The following IL10RB variants were observed in gnomAD, a reference collection of about 807,000 sequenced individuals.
IL10RB encodes the protein interleukin-10 receptor subunit beta.
In IL10RB, 30 loss-of-function variants were observed where a neutral mutation model predicts 38.7. That is an observed-to-expected ratio of 0.78 (90% CI 0.58 to 1.05). IL10RB has a LOEUF of 1.05. Ranked by LOEUF, IL10RB falls within the 50% of genes least tolerant of loss-of-function variation. The pLI is 0.00. For synonymous variants in IL10RB, 142 were observed against 145.9 expected, an observed-to-expected ratio of 0.97 and a Z score of 0.19; for missense variants, 328 against 397.1, an observed-to-expected ratio of 0.83 and a Z score of 1.48.
chr21:33,288,367 ACACACG>A, intron 6 of IL10RB, 106 bp downstream of exon 6: 1 of 786,892 alleles, frequency 1.3e-6, no homozygotes. Flanking sequence ...CCAGGAAAAC[ACACACG>A]CGCGCGCGCA....
At chr21:33,266,831 C>A (rs1251936013) in intron 1 of IL10RB, among the ~76,000 whole-genome samples, 1 of 152,122 alleles carries the variant, frequency 6.6e-6, no homozygotes, top group Non-Finnish European at 1.5e-5. Flanking sequence ...AAAGTAGCTT[C>A]CCCAAAAGAC....
intron 6 of IL10RB, 89 bp from the exon 7 acceptor site, chr21:33,296,095 C>A: frequency 1.1e-6 from 1 of 885,268 alleles, no homozygotes; most frequent in Non-Finnish European, 1.8e-6. Flanking sequence ...AATAGATTTT[C>A]CAGCCAGGAG....
At chr21:33,288,472 A>G (rs1989423093) in intron 6 of IL10RB, among the ~76,000 whole-genome samples, 1 of 151,966 alleles carries the variant, frequency 6.6e-6, no homozygotes, top group Admixed American at 6.6e-5. Context: ...GCCCCGAGGA[A>G]AGGGGCGCGG....
intron 4 of IL10RB, among the ~76,000 whole-genome samples, chr21:33,282,004 A>G (rs1251042730): frequency 6.6e-6 from 1 of 152,178 alleles, no homozygotes; most frequent in Non-Finnish European, 1.5e-5. Context: ...TAATCTTTGA[A>G]AAAATTTGCA....
intron 4 of IL10RB, among the ~76,000 whole-genome samples, chr21:33,280,246 T>C (rs1322852295): frequency 6.6e-6 from 1 of 152,176 alleles, no homozygotes; most frequent in Non-Finnish European, 1.5e-5. Flanking sequence ...TCCCATGACA[T>C]CAACCCCTGT....
downstream of IL10RB, among the ~76,000 whole-genome samples, chr21:33,301,767 C>T (rs1321242552): frequency 2.0e-5 from 3 of 152,226 alleles, no homozygotes; most frequent in African/African-American, 7.2e-5. Context: ...TTATCTGCCT[C>T]ATTTTTCAGA....
In IL10RB at chr21:33,267,925, C is replaced by G. The variant is rs9979085; in HGVS notation, c.50-469C>G. On this transcript the variant is annotated intron_variant, in intron 1 of 6. Coordinates refer to ENST00000290200, the MANE Select transcript of IL10RB (RefSeq NM_000628.5). ...TCATCTGGCTGTCTCCCTGACATTC[C>G]TACTTCAGCCTCTCTCCAGCATCTC... The G allele has an allele frequency of 9.7e-3, 2,445 of 252,100 alleles. 62 individuals are homozygous for G. Among genetic ancestry groups the G allele is most frequent in the African/African-American group, 0.051 (2,291 of 44,702 alleles). 15.6% of individuals were successfully genotyped at this position (252,100 alleles called of 1,614,324 possible).
chr21:33,276,275 T>C (rs369006555), intron 2 of IL10RB, among the ~76,000 whole-genome samples: 6 of 152,240 alleles, frequency 3.9e-5, no homozygotes, highest in African/African-American at 1.4e-4. Context: ...CATGACTTTA[T>C]TGAAAATCAT....
At chr21:33,283,385 T>C (rs912206176) in intron 5 of IL10RB, 144 bp downstream of exon 5, 44 of 865,516 alleles carry the variant, frequency 5.1e-5, no homozygotes, top group Non-Finnish European at 7.7e-5. Context: ...ACTGCTCAGC[T>C]TCATGCTAGG....
chr21:33,308,840 CTA>C (rs2083005103), intron 1 of IL10RB: 1 of 152,212 alleles, frequency 6.6e-6, no homozygotes, highest in Non-Finnish European at 1.5e-5. Flanking sequence ...GTATTTTCAT[CTA>C]TGTTATAACA....
chr21:33,266,490 C>T lies in IL10RB; in HGVS notation c.25C>T (p.Leu9=), dbSNP rs373218420. Residue 9 remains leucine, a synonymous_variant, in exon 1 of 7, where the codon CTG becomes TTG. Coordinates refer to ENST00000290200, the MANE Select transcript of IL10RB (RefSeq NM_000628.5). ...CATGGCGTGGAGCCTTGGGAGCTGG[C>T]TGGGTGGCTGCCTGCTGGTGTCAGG... MAWSLGSW[L]GGCLLVSALG... 46 of 1,542,678 alleles carry T rather than the reference C, an allele frequency of 3.0e-5. No individual in the cohort carries two copies. In the African/African-American group the frequency reaches 6.2e-4, roughly 21 times the overall value.
rs150389218 is a variant in IL10RB, at chr21:33,280,283, C to T, written c.498+365C>T. ...TCCCACACACACCGCAAATCAGGGA[C>T]GTCCGTGGTCAAGACAGCCCCTTGT... On this transcript the variant is annotated intron_variant, in intron 4 of 6. Transcript: ENST00000290200. Among the ~76,000 whole-genome samples, 40 of 152,276 alleles carry T rather than the reference C, an allele frequency of 2.6e-4. No individual in the cohort carries two copies. The East Asian group carries it at 7.1e-3, about 27-fold the overall frequency.
intron 1 of IL10RB, among the ~76,000 whole-genome samples, chr21:33,307,348 C>G (rs1376806323): frequency 6.6e-6 from 1 of 152,200 alleles, no homozygotes; most frequent in Non-Finnish European, 1.5e-5. Flanking sequence ...ACATAGCAGT[C>G]TTGCCTGTTC....
At chr21:33,277,668 C>CTTTTTT (rs1216043179) in intron 3 of IL10RB, among the ~76,000 whole-genome samples, 1,105 of 92,828 alleles carry the variant, frequency 0.012, 1 homozygote, top group Non-Finnish European at 0.017. Context: ...TTCTTTCTTT[C>CTTTTTT]TTTTTTTTTT....
downstream of IL10RB, among the ~76,000 whole-genome samples, chr21:33,298,149 CTA>C (rs1275588320): frequency 6.6e-6 from 1 of 152,196 alleles, no homozygotes; most frequent in African/African-American, 2.4e-5. Flanking sequence ...ACTCAAAAAT[CTA>C]TGGATTTAAA....
chr21:33,291,272 C>T (rs1214539479), intron 6 of IL10RB, among the ~76,000 whole-genome samples: 2 of 149,132 alleles, frequency 1.3e-5, no homozygotes, highest in Non-Finnish European at 3.0e-5. Context: ...ATATGAATTT[C>T]TTTTTTTTTT....
At chr21:33,277,612 G>C (rs981566229) in intron 3 of IL10RB, among the ~76,000 whole-genome samples, 1 of 151,362 alleles carries the variant, frequency 6.6e-6, no homozygotes, top group African/African-American at 2.4e-5. Context: ...CACTTTGGGA[G>C]GCTGAGGTGG....
intron 6 of IL10RB, among the ~76,000 whole-genome samples, chr21:33,294,751 G>C (rs1989557617): frequency 1.3e-5 from 2 of 151,878 alleles, no homozygotes; most frequent in Non-Finnish European, 2.9e-5. Flanking sequence ...GTAGGGAAAG[G>C]GTTCAAGATG....
intron 3 of IL10RB, among the ~76,000 whole-genome samples, chr21:33,279,130 G>A: frequency 6.6e-6 from 1 of 152,182 alleles, no homozygotes; most frequent in East Asian, 1.9e-4. Flanking sequence ...CAAGGCAATA[G>A]GACAGAAAGT....
Sources: allele counts gnomAD v4.1 joint callset (sites outside exome capture counted in the v4.1 genomes callset), GRCh38; gene constraint gnomAD v4.1.1; transcripts MANE v1.5; gene names NCBI Gene and HGNC (gene_info 2026-07-23, HGNC 2026-07-21).